The following MIEF1 variants were observed in gnomAD, a reference collection of about 807,000 sequenced individuals.
MIEF1 encodes the protein mitochondrial dynamics protein MIEF1.
Under a neutral mutation model 35.1 loss-of-function variants are expected in MIEF1, and 14 were observed. The ratio of observed to expected loss-of-function variants is 0.40; its 90% CI spans 0.26 to 0.62. MIEF1 has a LOEUF of 0.62. Ranked by LOEUF, MIEF1 falls within the 20% of genes least tolerant of loss-of-function variation. The probability of loss-of-function intolerance (pLI) is 0.43; values close to 1 mark genes in which losing one functional copy is unlikely to be tolerated. For synonymous variants in MIEF1, 245 were observed against 254.3 expected (o/e 0.96, Z 0.35); for missense variants, 542 against 615.4 (o/e 0.88, Z 1.26).
chr22:39,510,830 T>C (rs189592308), intron 2 of MIEF1, among the ~76,000 whole-genome samples: 1 of 148,462 alleles, frequency 6.7e-6, no homozygotes, highest in East Asian at 1.9e-4. Flanking sequence ...TTATAACCCC[T>C]GTGAAGGGGT....
intron 5 of MIEF1, among the ~76,000 whole-genome samples, chr22:39,512,854 G>T (rs181559290): frequency 1.4e-4 from 22 of 152,060 alleles, no homozygotes; most frequent in Non-Finnish European, 3.1e-4. Flanking sequence ...TTGCCATGCC[G>T]GTCAGGCTGG....
chr22:39,513,576 G>T lies in MIEF1; in HGVS notation c.645G>T (p.Trp215Cys), dbSNP rs989590737. ...CCCTTGTGCTGGAGCAGAACCTGTG[G>T]TCATGTATTCCTGGTGAAGACACCA... ...IVPLVLEQNL[W>C]SCIPGEDTIM... Residue 215 changes from tryptophan (W) to cysteine (C), a missense_variant, in exon 6 of 6, where the codon TGG (tryptophan) becomes TGT (cysteine). Coordinates refer to ENST00000325301, the MANE Select transcript of MIEF1 (RefSeq NM_019008.6). 1 of 1,614,210 alleles carries T rather than the reference G, an allele frequency of 6.2e-7. No individual in the cohort carries two copies.
chr22:39,504,419 C>T lies in MIEF1; in HGVS notation c.-123C>T, dbSNP rs777964139. The T allele has an allele frequency of 1.1e-4, 43 of 399,010 alleles. No homozygotes were observed. The highest frequency in any genetic ancestry group is 2.7e-4 in the African/African-American group (13 of 48,720). 24.7% of individuals were successfully genotyped at this position (399,010 alleles called of 1,614,324 possible). A position where few individuals can be genotyped will look rare whatever the true frequency, so the allele number is the denominator to read the frequency against. On this transcript the variant is annotated 5_prime_UTR_variant, in exon 2 of 6. It adds an upstream start codon to the 5' untranslated region. Transcript: ENST00000325301. ...TGGAGAAGGGCCTGGTCTTTCTCAA[C>T]GGCAAATTGGGGAGGATCATTTAGG...
chr22:39,516,239 G>A lies in MIEF1; in HGVS notation c.*1916G>A, dbSNP rs1184274331. The A allele has an allele frequency of 6.6e-6, 1 of 152,160 alleles. No homozygotes were observed. Among genetic ancestry groups the A allele is most frequent in the Non-Finnish European group, 1.5e-5 (1 of 68,040 alleles). 9.4% of individuals were successfully genotyped at this position (152,160 alleles called of 1,614,324 possible). A position where few individuals can be genotyped will look rare whatever the true frequency, so the allele number is the denominator to read the frequency against. On this transcript the variant is annotated 3_prime_UTR_variant, in exon 6 of 6. Coordinates refer to ENST00000325301, the MANE Select transcript of MIEF1 (RefSeq NM_019008.6). ...AAGGTATGGGGTAGAGCTTGACAGG[G>A]TTCCTGTGTACCCACTGGGTATCCG...
rs1172727015 is a variant in MIEF1, at chr22:39,513,755, A to G, written c.824A>G (p.Asn275Ser). 5.6e-6 allele frequency: 9 copies of G among 1,613,904 alleles called. No homozygotes were observed. The highest frequency in any genetic ancestry group is 1.3e-5 in the African/African-American group (1 of 74,896). ...TFEKVVAGSI[N>S]WPAIGSLLDY... The stretch of plus-strand genomic sequence containing the variant: ...GAGAAGGTAGTGGCTGGCTCCATCA[A>G]TTGGCCAGCCATAGGGTCCCTCTTG... Residue 275 changes from asparagine to serine, a missense_variant, in exon 6 of 6, where the codon AAT becomes AGT. Coordinates refer to ENST00000325301, the MANE Select transcript of MIEF1 (RefSeq NM_019008.6).
Position 39,514,460 on chromosome 22 carries a change from T to C in MIEF1, c.*137T>C. ...GATCATCACCCTGGTCACTTCATGC[T>C]GATTAGAATGACATCTCTTTCGTCT... On this transcript the variant is annotated 3_prime_UTR_variant, in exon 6 of 6. Transcript: ENST00000325301. The C allele has an allele frequency of 6.6e-6, 5 of 763,176 alleles. No homozygotes were observed. The highest frequency in any genetic ancestry group is 1.1e-5 in the Non-Finnish European group (5 of 475,162). 47.3% of individuals were successfully genotyped at this position (763,176 alleles called of 1,614,324 possible). A position where few individuals can be genotyped will look rare whatever the true frequency, so the allele number is the denominator to read the frequency against.
At chr22:39,509,888 G>A (rs1254736364) in intron 2 of MIEF1, among the ~76,000 whole-genome samples, 1 of 152,214 alleles carries the variant, frequency 6.6e-6, no homozygotes, top group Non-Finnish European at 1.5e-5. Context: ...TTGGGTAAGG[G>A]TGAGCATGGT....
upstream of MIEF1, among the ~76,000 whole-genome samples, chr22:39,501,523 C>T (rs1160317577): frequency 1.3e-5 from 2 of 151,984 alleles, no homozygotes; most frequent in Admixed American, 6.5e-5. Flanking sequence ...CTGGGCTTGG[C>T]AGAGCCAGGC....
At position 39,514,010 on chromosome 22, in the gene MIEF1, G is replaced by A. The variant is rs746975740; in HGVS notation, c.1079G>A (p.Arg360Gln). The change falls in exon 6 of 6, where the codon CGA becomes CAA. Residue 360 changes from arginine (R) to glutamine (Q), a missense_variant. By Grantham distance (43) the Arg-to-Gln change is conservative. Transcript: ENST00000325301. ...RALDQADSGCRSLCLKILKAI... is the reference protein window; with the variant it reads ...RALDQADSGCQSLCLKILKAI... ...CTGGACCAGGCTGACTCGGGCTGCC[G>A]ATCTCTGTGCCTCAAGATCCTCAAG... is the stretch of plus-strand genomic sequence containing the variant. 4 of 1,613,234 alleles carry A rather than the reference G, an allele frequency of 2.5e-6. No individual in the cohort carries two copies. Among genetic ancestry groups the A allele is most frequent in the East Asian group, 2.2e-5 (1 of 44,896 alleles).
In MIEF1 at chr22:39,514,130, C is replaced by T. The variant is rs781048132; in HGVS notation, c.1199C>T (p.Ser400Phe). 6.2e-7 allele frequency: 1 copy of T among 1,614,218 alleles called. No homozygotes were observed. Among genetic ancestry groups the T allele is most frequent in the Admixed American group, 1.7e-5 (1 of 60,034 alleles). The change falls in exon 6 of 6, where the codon TCT becomes TTT. Residue 400 changes from serine (S) to phenylalanine (F), a missense_variant. Coordinates refer to ENST00000325301, the MANE Select transcript of MIEF1 (RefSeq NM_019008.6). ...TTGGCCCAGGAGGAGGCTGACTGGT[C>T]TCCGGATATGCTGGCCGACCGTTTC... ...LHLAQEEADW[S>F]PDMLADRFLQ... is the part of the protein sequence containing the mutation.
intron 2 of MIEF1, among the ~76,000 whole-genome samples, chr22:39,507,435 CAG>C (rs1211443584): frequency 6.6e-6 from 1 of 151,762 alleles, no homozygotes; most frequent in Admixed American, 6.6e-5. Flanking sequence ...TTAGTAGAGA[CAG>C]AGGTTCACCG....
chr22:39,502,511 T>A (rs1039352068), intron 1 of MIEF1, 74 bp downstream of exon 1: 6 of 152,248 alleles, frequency 3.9e-5, no homozygotes, highest in African/African-American at 1.4e-4. Context: ...CTCAGGCTGC[T>A]GCCGGCGCCT....
At position 39,517,440 on chromosome 22, in the gene MIEF1, T is replaced by A. The variant is rs201186448; in HGVS notation, c.*3117T>A. On this transcript the variant is annotated 3_prime_UTR_variant, in exon 6 of 6. Transcript: ENST00000325301. ...CGGTCTCCTGGGTCCCGGCCACCTGTCCATATTCCACATTTGCTGACTGTG... is the reference window on the plus strand; with the variant it reads ...CGGTCTCCTGGGTCCCGGCCACCTGACCATATTCCACATTTGCTGACTGTG... 75 of 423,668 alleles carry A rather than the reference T, an allele frequency of 1.8e-4. 1 individual carries two copies. In the East Asian group the frequency reaches 5.4e-3, roughly 31 times the overall value. The allele number at this position is 423,668 out of a possible 1,614,324, so 26.2% of individuals were successfully genotyped here. A position where few individuals can be genotyped will look rare whatever the true frequency, so the allele number is the denominator to read the frequency against.
chr22:39,505,094 T>G (rs955886031), intron 2 of MIEF1, among the ~76,000 whole-genome samples: 3 of 151,900 alleles, frequency 2.0e-5, no homozygotes, highest in African/African-American at 7.3e-5. Context: ...CTCAGGAGGC[T>G]GAGGCAGGAG....
Position 39,514,979 on chromosome 22 carries a change from A to G in MIEF1, c.*656A>G, listed in dbSNP as rs1930581676. 2.2e-6 allele frequency: 1 copy of G among 459,424 alleles called. No homozygotes were observed. The highest frequency in any genetic ancestry group is 3.9e-6 in the Non-Finnish European group (1 of 258,476). The allele number at this position is 459,424 out of a possible 1,614,324, so 28.5% of individuals were successfully genotyped here. On this transcript the variant is annotated 3_prime_UTR_variant, in exon 6 of 6. Transcript: ENST00000325301. ...TGCTGAGAATGTCTCTCATGGGAAC[A>G]CTGTTAATGACCCACACAGGATAAG...
chr22:39,507,702 G>A (rs1569016041), intron 2 of MIEF1, among the ~76,000 whole-genome samples: 1 of 151,372 alleles, frequency 6.6e-6, no homozygotes, highest in Non-Finnish European at 1.5e-5. Flanking sequence ...TGTCTCTACT[G>A]AAAATACAAA....
upstream of MIEF1, among the ~76,000 whole-genome samples, chr22:39,500,884 T>TG (rs1225831312): frequency 2.0e-5 from 3 of 151,868 alleles, no homozygotes; most frequent in African/African-American, 7.3e-5. Context: ...TTAGTAGAGA[T>TG]GGGGTTTCAC....
At chr22:39,507,309 A>G (rs1027410844) in intron 2 of MIEF1, among the ~76,000 whole-genome samples, 9 of 151,852 alleles carry the variant, frequency 5.9e-5, no homozygotes, top group East Asian at 5.9e-4. Flanking sequence ...CAGTGGGTGC[A>G]ATCTTGGCTC....
rs117966039 is a variant in MIEF1, at chr22:39,504,587, G to A, written c.-8+53G>A. On this transcript the variant is annotated intron_variant, in intron 2 of 5. Coordinates refer to ENST00000325301, the MANE Select transcript of MIEF1 (RefSeq NM_019008.6). ...TCCTTATTTTTTGTTGCAAGGGACCGAGAAAAGGATCAAAGTCATCCTTTT... is the reference window on the plus strand; with the variant it reads ...TCCTTATTTTTTGTTGCAAGGGACCAAGAAAAGGATCAAAGTCATCCTTTT... 315 of 394,802 alleles carry A rather than the reference G, an allele frequency of 8.0e-4. 2 individuals are homozygous for A. In the East Asian group the frequency reaches 9.5e-3, roughly 12 times the overall value. The allele number at this position is 394,802 out of a possible 1,614,324, so 24.5% of individuals were successfully genotyped here.
Sources: allele counts gnomAD v4.1 joint callset (sites outside exome capture counted in the v4.1 genomes callset), GRCh38; gene constraint gnomAD v4.1.1; transcripts MANE v1.5; gene names NCBI Gene and HGNC (gene_info 2026-07-23, HGNC 2026-07-21).